Variants in ITCH observed in about 807,000 individuals in gnomAD.
The protein encoded by ITCH is E3 ubiquitin-protein ligase Itchy homolog.
A neutral mutation model predicts 126.8 loss-of-function variants in ITCH; 28 were observed. That is an observed-to-expected ratio of 0.22 (90% confidence interval 0.16 to 0.30). The LOEUF (loss-of-function observed/expected upper bound fraction) is 0.30. ITCH is among the 10% of genes least tolerant of loss of function. The pLI is 1.00. For missense variants in ITCH, 631 were observed against 1,032.4 expected, an observed-to-expected ratio of 0.61 and a Z score of 5.33; for synonymous variants, 342 against 340.0, an observed-to-expected ratio of 1.01 and a Z score of -0.06.
intron 7 of ITCH, among the ~76,000 whole-genome samples, chr20:34,431,637 T>C (rs148516486): frequency 3.3e-5 from 5 of 152,242 alleles, no homozygotes; most frequent in African/African-American, 1.2e-4. Flanking sequence ...GAGACCTATA[T>C]TTAGTGGATG....
chr20:34,453,361 C>T (rs1985482506), intron 12 of ITCH, among the ~76,000 whole-genome samples: 1 of 152,162 alleles, frequency 6.6e-6, no homozygotes, highest in African/African-American at 2.4e-5. Context: ...CCTGTAATCC[C>T]AGTACTTTGG....
At chr20:34,413,692 T>G (rs1248821377) in intron 5 of ITCH, 50 bp from the exon 6 acceptor site, 1 of 1,570,774 alleles carries the variant, frequency 6.4e-7, no homozygotes, top group South Asian at 1.2e-5. Flanking sequence ...TTAAGATGCC[T>G]TAACTGGGAA....
intron 23 of ITCH, among the ~76,000 whole-genome samples, chr20:34,492,846 C>G (rs1336304537): frequency 2.0e-5 from 3 of 152,218 alleles, no homozygotes; most frequent in Non-Finnish European, 4.4e-5. Context: ...TAAATCTGTT[C>G]ATTTAGTCAT....
chr20:34,439,642 C>T (rs146437356), intron 8 of ITCH, among the ~76,000 whole-genome samples: 59 of 152,256 alleles, frequency 3.9e-4, no homozygotes, highest in Non-Finnish European at 7.1e-4. Flanking sequence ...TTATTATAAT[C>T]TTGGTGACTT....
chr20:34,450,867 G>A (rs1461295504), intron 12 of ITCH: 3 of 152,126 alleles, frequency 2.0e-5, no homozygotes, highest in African/African-American at 7.2e-5. Context: ...TTTTCTTTGA[G>A]AAATCTCATT....
At chr20:34,495,966 T>C (rs1989853738) in intron 23 of ITCH, among the ~76,000 whole-genome samples, 1 of 144,338 alleles carries the variant, frequency 6.9e-6, no homozygotes, top group Admixed American at 7.0e-5. Flanking sequence ...AGAGTGGTGG[T>C]ACACGCCTGT....
At chr20:34,436,863 G>A (rs1027709559) in intron 7 of ITCH, among the ~76,000 whole-genome samples, 1 of 152,070 alleles carries the variant, frequency 6.6e-6, no homozygotes, top group Non-Finnish European at 1.5e-5. Context: ...GCAGTGGCTC[G>A]TGCCTGTAAT....
intron 1 of ITCH, among the ~76,000 whole-genome samples, chr20:34,366,435 A>G (rs1048290859): frequency 5.9e-5 from 9 of 152,074 alleles, no homozygotes; most frequent in African/African-American, 2.2e-4. Flanking sequence ...TACGTTGCCC[A>G]GTCTGGTCTT....
chr20:34,428,969 G>A (rs910925717), intron 7 of ITCH, among the ~76,000 whole-genome samples: 1 of 152,036 alleles, frequency 6.6e-6, no homozygotes, highest in Admixed American at 6.6e-5. Context: ...ACCGTGTCTC[G>A]TTCTGTTGCC....
At chr20:34,501,082 G>T (rs958150643) in intron 23 of ITCH, among the ~76,000 whole-genome samples, 2 of 152,204 alleles carry the variant, frequency 1.3e-5, no homozygotes, top group Non-Finnish European at 2.9e-5. Context: ...CTCCTGGTCT[G>T]TAAGGTTTCT....
At chr20:34,505,531 T>A (rs1473863804) in intron 24 of ITCH, among the ~76,000 whole-genome samples, 2 of 151,484 alleles carry the variant, frequency 1.3e-5, no homozygotes, top group Admixed American at 6.6e-5. Flanking sequence ...ACATTTCATA[T>A]AAAATGAATC....
intron 7 of ITCH, among the ~76,000 whole-genome samples, chr20:34,438,269 T>G (rs1983278119): frequency 6.6e-6 from 1 of 152,180 alleles, no homozygotes; most frequent in Non-Finnish European, 1.5e-5. Context: ...AACCCATCAC[T>G]CTATCTCTAG....
At chr20:34,473,133 G>T (rs982298611) in intron 16 of ITCH, among the ~76,000 whole-genome samples, 2 of 152,186 alleles carry the variant, frequency 1.3e-5, no homozygotes, top group Non-Finnish European at 2.9e-5. Context: ...CAATTTGATT[G>T]CTTAAAGGTA....
intron 16 of ITCH, among the ~76,000 whole-genome samples, chr20:34,475,114 C>T (rs896504241): frequency 2.6e-5 from 4 of 151,010 alleles, no homozygotes; most frequent in Non-Finnish European, 5.9e-5. Context: ...CGGGAAGAGG[C>T]GCTCCTCACT....
intron 16 of ITCH, among the ~76,000 whole-genome samples, chr20:34,472,417 C>T (rs1438457015): frequency 6.7e-6 from 1 of 148,978 alleles, no homozygotes; most frequent in Non-Finnish European, 1.5e-5. Flanking sequence ...GTCTACTATT[C>T]GCCTTTATCT....
At chr20:34,480,908 TCGGCAATAATATG>T (rs1483005168) in intron 19 of ITCH, among the ~76,000 whole-genome samples, 145 bp from the exon 20 acceptor site, 2 of 152,226 alleles carry the variant, frequency 1.3e-5, no homozygotes, top group Non-Finnish European at 2.9e-5. Flanking sequence ...CCCAAGATCT[TCGGCAATAATATG>T]ACCTTAGAAC....
At chr20:34,506,168 GTCC>G (rs1990609125) in intron 24 of ITCH, among the ~76,000 whole-genome samples, 1 of 151,830 alleles carries the variant, frequency 6.6e-6, no homozygotes. Flanking sequence ...GGCTCAAACT[GTCC>G]TCCTACCTTA....
intron 8 of ITCH, 61 bp from the exon 9 acceptor site, chr20:34,440,094 T>A (rs1983539652): frequency 1.5e-5 from 18 of 1,237,208 alleles, no homozygotes; most frequent in Non-Finnish European, 2.1e-5. Context: ...ACAGTTAAAA[T>A]TCTATCCTGA....
At chr20:34,499,871 T>C (rs1990142748) in intron 23 of ITCH, among the ~76,000 whole-genome samples, 1 of 152,196 alleles carries the variant, frequency 6.6e-6, no homozygotes, top group Non-Finnish European at 1.5e-5. Flanking sequence ...TTTATAATTT[T>C]CAATATATTG....
Sources: gnomAD v4.1 joint callset for allele counts (sites outside exome capture counted in the v4.1 genomes callset) on GRCh38, gnomAD v4.1.1 for gene constraint, MANE v1.5 for transcripts, NCBI Gene and HGNC (gene_info 2026-07-23, HGNC 2026-07-21) for gene names.